Variants in DOCK8 observed in about 807,000 individuals in gnomAD.
DOCK8 encodes dedicator of cytokinesis 8.
A neutral mutation model predicts 245.6 loss-of-function variants in DOCK8; 141 were observed. That is an observed-to-expected ratio of 0.57 (90% CI 0.50 to 0.66). DOCK8 has a LOEUF of 0.66. DOCK8 is among the 30% of genes least tolerant of loss of function. The pLI, the probability that DOCK8 is intolerant of heterozygous loss-of-function variation, is 0.00. For missense variants in DOCK8, 2,965 were observed against 2,603.4 expected (o/e 1.14, Z -3.02); for synonymous variants, 1,168 against 970.2 (o/e 1.20, Z -3.79).
chr9:429,532 C>T (rs935208349), intron 35 of DOCK8, among the ~76,000 whole-genome samples, 170 bp from the exon 36 acceptor site: 2 of 152,216 alleles, frequency 1.3e-5, no homozygotes, highest in African/African-American at 4.8e-5. Context: ...CAAGTCTACT[C>T]CATTGCTTAA....
intron 24 of DOCK8, 137 bp downstream of exon 24, chr9:390,703 C>A: frequency 1.3e-6 from 1 of 774,320 alleles, no homozygotes; most frequent in Non-Finnish European, 2.3e-6. Context: ...AATCTCTCAC[C>A]CCTCCCATCC....
chr9:337,744 G>T (rs1422044986), intron 12 of DOCK8, among the ~76,000 whole-genome samples: 2 of 152,260 alleles, frequency 1.3e-5, no homozygotes, highest in Non-Finnish European at 2.9e-5. Flanking sequence ...AGAGGGGTGG[G>T]GAGTCACTGG....
At chr9:429,904 A>C in intron 36 of DOCK8, 50 bp downstream of exon 36, 1 of 1,606,980 alleles carries the variant, frequency 6.2e-7, no homozygotes. Flanking sequence ...AGAAAAATTG[A>C]TGTAAAGCAT....
intron 1 of DOCK8, among the ~76,000 whole-genome samples, chr9:224,547 G>T (rs562551978): frequency 6.6e-6 from 1 of 152,230 alleles, no homozygotes; most frequent in East Asian, 1.9e-4. Context: ...GCTGCCACGG[G>T]TAGAAATACT....
chr9:431,171 G>C (rs2056697641), intron 36 of DOCK8, among the ~76,000 whole-genome samples: 1 of 152,118 alleles, frequency 6.6e-6, no homozygotes, highest in Non-Finnish European at 1.5e-5. Flanking sequence ...ATCCTGCCTA[G>C]CCAAGACTTG....
In DOCK8 at chr9:414,951, G is replaced by T. The variant is rs1295680187; in HGVS notation, c.3700G>T (p.Val1234Phe). 6.2e-7 allele frequency: 1 copy of T among 1,613,218 alleles called. No homozygotes were observed. Among genetic ancestry groups the T allele is most frequent in the Non-Finnish European group, 8.5e-7 (1 of 1,180,002 alleles). The change falls in exon 29 of 48, where the codon GTT (valine) becomes TTT (phenylalanine). Residue 1234 changes from valine (V) to phenylalanine (F), a missense_variant and splice_region_variant. Physicochemically the swap from Val to Phe is conservative, Grantham distance 50 (BLOSUM62 -1). Transcript: ENST00000432829. ...DALPQLCDFT[V>F]ADTRRYRTSG... ...TTTGCCACAGCTCTGTGACTTTACA[G>T]GTAATGGCCCTTCTGTTTTCTTTCT...
At chr9:336,790 G>A in intron 12 of DOCK8, 72 bp downstream of exon 12, 1 of 1,584,846 alleles carries the variant, frequency 6.3e-7, no homozygotes, top group Non-Finnish European at 8.7e-7. Flanking sequence ...CACAGGAGGA[G>A]GATACGTAGT....
chr9:220,627 G>T, intron 1 of DOCK8: 2 of 295,396 alleles, frequency 6.8e-6, no homozygotes, highest in South Asian at 2.6e-5. Flanking sequence ...TCAGTGGCAG[G>T]TGCTTATTAA....
intron 11 of DOCK8, among the ~76,000 whole-genome samples, chr9:334,947 G>C (rs1192567797): frequency 6.6e-6 from 1 of 152,036 alleles, no homozygotes; most frequent in Non-Finnish European, 1.5e-5. Flanking sequence ...GCTGGGTGTG[G>C]TGGTACACGT....
chr9:441,490 T>C, intron 41 of DOCK8, 73 bp downstream of exon 41: 3 of 1,604,670 alleles, frequency 1.9e-6, no homozygotes, highest in Admixed American at 1.7e-5. Flanking sequence ...TGCTTAGCCA[T>C]CCTTCCTCTC....
chr9:296,756 G>T (rs150846961), intron 4 of DOCK8, among the ~76,000 whole-genome samples: 1 of 152,126 alleles, frequency 6.6e-6, no homozygotes, highest in Non-Finnish European at 1.5e-5. Flanking sequence ...TGAAAAGCAC[G>T]CCCGGCTCAT....
chr9:276,749 C>G (rs887196485), intron 2 of DOCK8, among the ~76,000 whole-genome samples: 15 of 152,168 alleles, frequency 9.9e-5, no homozygotes, highest in Admixed American at 3.3e-4. Context: ...TTCAGGCAAA[C>G]AAGTCTATAA....
At chr9:295,952 G>C (rs552615129) in intron 4 of DOCK8, among the ~76,000 whole-genome samples, 1 of 152,180 alleles carries the variant, frequency 6.6e-6, no homozygotes, top group African/African-American at 2.4e-5. Flanking sequence ...AAACCTAACA[G>C]AGAAAGATTA....
intron 2 of DOCK8, among the ~76,000 whole-genome samples, chr9:279,909 G>A (rs2048507278): frequency 6.6e-6 from 1 of 152,196 alleles, no homozygotes; most frequent in Non-Finnish European, 1.5e-5. Context: ...GTGACTTGGG[G>A]CAAGTCATTT....
intron 1 of DOCK8, among the ~76,000 whole-genome samples, chr9:249,166 A>T (rs1383508458): frequency 1.3e-5 from 2 of 152,318 alleles, no homozygotes; most frequent in Non-Finnish European, 2.9e-5. Flanking sequence ...AGTGCCAACA[A>T]ATGGCAAACT....
chr9:396,711 C>CT, intron 24 of DOCK8, 74 bp from the exon 25 acceptor site: 1 of 1,585,536 alleles, frequency 6.3e-7, no homozygotes, highest in South Asian at 1.1e-5. Flanking sequence ...TTCTGTGAGT[C>CT]TTTCCCCCTT....
At chr9:328,951 T>G (rs1162666970) in intron 9 of DOCK8, among the ~76,000 whole-genome samples, 1 of 140,706 alleles carries the variant, frequency 7.1e-6, no homozygotes, top group African/African-American at 2.7e-5. Flanking sequence ...CTTTTTTTTT[T>G]TTTTTTTTTT....
At chr9:214,614 G>C, upstream of DOCK8, 1 of 1,613,750 alleles carries the variant, frequency 6.2e-7, no homozygotes, top group Non-Finnish European at 8.5e-7. Flanking sequence ...GGAGCTTCCG[G>C]CCTGCGCGCA....
At chr9:383,019 G>A (rs2053788569) in intron 22 of DOCK8, among the ~76,000 whole-genome samples, 1 of 152,148 alleles carries the variant, frequency 6.6e-6, no homozygotes, top group Non-Finnish European at 1.5e-5. Flanking sequence ...TTGATACCTG[G>A]AAAGGTTGCC....
Sources: gnomAD v4.1 joint callset for allele counts (sites outside exome capture counted in the v4.1 genomes callset) on GRCh38, gnomAD v4.1.1 for gene constraint, MANE v1.5 for transcripts, NCBI Gene and HGNC (gene_info 2026-07-23, HGNC 2026-07-21) for gene names.